The following PRKCA variants were observed in gnomAD, a reference collection of about 807,000 sequenced individuals.
PRKCA encodes protein kinase C alpha.
Under a neutral mutation model 87.0 loss-of-function variants are expected in PRKCA, and 27 were observed. The observed-to-expected ratio is 0.31, with a 90% CI of 0.23 to 0.43. The LOEUF (loss-of-function observed/expected upper bound fraction) is 0.43, where lower values mean the gene tolerates loss of function less well. Among genes scored for constraint, PRKCA ranks in the 20% least tolerant of loss-of-function variants. The pLI is 1.00. For synonymous variants in PRKCA, 329 were observed against 311.1 expected (o/e 1.06, Z -0.61); for missense variants, 518 against 852.3 (o/e 0.61, Z 4.88).
At chr17:66,378,625 C>T (rs1189261065) in intron 2 of PRKCA, among the ~76,000 whole-genome samples, 2 of 151,892 alleles carry the variant, frequency 1.3e-5, no homozygotes, top group Non-Finnish European at 2.9e-5. Context: ...GCAGGCTGGG[C>T]GTAAAGTCTC....
chr17:66,463,419 G>A (rs898865589), intron 2 of PRKCA, among the ~76,000 whole-genome samples: 4 of 150,672 alleles, frequency 2.7e-5, no homozygotes, highest in Non-Finnish European at 5.9e-5. Context: ...TTTTTGAGAC[G>A]AAGTTTTGCT....
intron 5 of PRKCA, among the ~76,000 whole-genome samples, chr17:66,655,712 A>AT (rs1363076501): frequency 6.6e-6 from 1 of 152,138 alleles, no homozygotes; most frequent in Non-Finnish European, 1.5e-5. Flanking sequence ...TGAGCCGATG[A>AT]TGATGATGAT....
intron 13 of PRKCA, among the ~76,000 whole-genome samples, chr17:66,760,391 G>A (rs1357838982): frequency 2.6e-5 from 4 of 152,096 alleles, no homozygotes; most frequent in Non-Finnish European, 2.9e-5. Flanking sequence ...AATGTTATAC[G>A]GTGCAATTAA....
chr17:66,439,355 A>AT (rs946137511), intron 2 of PRKCA, among the ~76,000 whole-genome samples: 10 of 151,422 alleles, frequency 6.6e-5, no homozygotes, highest in Admixed American at 3.3e-4. Flanking sequence ...TAATTTTTGT[A>AT]TTTTTTAGTA....
At chr17:66,713,863 A>T (rs887771838) in intron 8 of PRKCA, among the ~76,000 whole-genome samples, 31 of 152,032 alleles carry the variant, frequency 2.0e-4, no homozygotes, top group Admixed American at 5.9e-4. Context: ...TCTGTCCATG[A>T]ATTCCCAATG....
intron 2 of PRKCA, among the ~76,000 whole-genome samples, chr17:66,311,919 G>A (rs547372880): frequency 1.1e-4 from 16 of 152,152 alleles, no homozygotes; most frequent in Admixed American, 6.5e-4. Flanking sequence ...CTCATAGGTC[G>A]TGAAAGCCGA....
chr17:66,565,174 A>G (rs912515203), intron 3 of PRKCA, among the ~76,000 whole-genome samples: 2 of 152,168 alleles, frequency 1.3e-5, no homozygotes, highest in African/African-American at 2.4e-5. Context: ...AATTCCTCTC[A>G]TAGAGTGCTG....
At chr17:66,351,738 A>T (rs1010705515) in intron 2 of PRKCA, among the ~76,000 whole-genome samples, 2 of 152,194 alleles carry the variant, frequency 1.3e-5, no homozygotes, top group Non-Finnish European at 2.9e-5. Context: ...CGTAAACCAT[A>T]AAAGTAGAAT....
intron 2 of PRKCA, among the ~76,000 whole-genome samples, chr17:66,351,909 A>G (rs1352926162): frequency 1.3e-5 from 2 of 151,952 alleles, no homozygotes; most frequent in African/African-American, 2.4e-5. Flanking sequence ...TCCCAGTATC[A>G]GATTCGTTCT....
At chr17:66,503,660 C>G (rs1567862700) in intron 3 of PRKCA, among the ~76,000 whole-genome samples, 1 of 152,194 alleles carries the variant, frequency 6.6e-6, no homozygotes, top group East Asian at 1.9e-4. Context: ...AAATTGCTTT[C>G]TTTTCTTTAC....
At chr17:66,616,815 G>A (rs1032936344) in intron 3 of PRKCA, among the ~76,000 whole-genome samples, 2 of 152,040 alleles carry the variant, frequency 1.3e-5, no homozygotes, top group African/African-American at 4.8e-5. Flanking sequence ...AAGGTTAGGT[G>A]GTAAGGAGGC....
At chr17:66,386,383 A>C (rs1043294324) in intron 2 of PRKCA, among the ~76,000 whole-genome samples, 6 of 152,204 alleles carry the variant, frequency 3.9e-5, no homozygotes, top group Non-Finnish European at 8.8e-5. Flanking sequence ...TTTTAAAACA[A>C]AGCTGCAGTG....
At chr17:66,690,561 A>G (rs7220480) in intron 8 of PRKCA, among the ~76,000 whole-genome samples, 67,789 of 152,028 alleles carry the variant, frequency 0.45, 15,918 homozygotes, top group African/African-American at 0.61. Context: ...GGCCCTGTGC[A>G]GTGGCTCACT....
chr17:66,560,159 A>T (rs1170411310), intron 3 of PRKCA, among the ~76,000 whole-genome samples: 4 of 152,098 alleles, frequency 2.6e-5, no homozygotes, highest in Admixed American at 2.6e-4. Flanking sequence ...TGCTTGGCGG[A>T]GAGAGGCATA....
chr17:66,370,553 T>C (rs1403389596), intron 2 of PRKCA, among the ~76,000 whole-genome samples: 4 of 139,938 alleles, frequency 2.9e-5, no homozygotes, highest in Admixed American at 6.9e-5. Context: ...TCTTTTCTTT[T>C]TTTTTTTTTT....
At chr17:66,483,677 G>C (rs1915877365) in intron 2 of PRKCA, among the ~76,000 whole-genome samples, 1 of 151,948 alleles carries the variant, frequency 6.6e-6, no homozygotes, top group Admixed American at 6.6e-5. Context: ...TATCCAGGAT[G>C]TTCTCAATCT....
At chr17:66,353,267 T>C (rs1907859365) in intron 2 of PRKCA, among the ~76,000 whole-genome samples, 1 of 152,226 alleles carries the variant, frequency 6.6e-6, no homozygotes, top group Non-Finnish European at 1.5e-5. Flanking sequence ...TGATGACTCA[T>C]TTTGATCCTA....
At chr17:66,776,586 G>T (rs1975055380) in intron 14 of PRKCA, among the ~76,000 whole-genome samples, 1 of 152,164 alleles carries the variant, frequency 6.6e-6, no homozygotes, top group Non-Finnish European at 1.5e-5. Flanking sequence ...GGGATTACAG[G>T]CATGAGCCAC....
intron 2 of PRKCA, among the ~76,000 whole-genome samples, chr17:66,459,379 C>T (rs1425860445): frequency 6.6e-6 from 1 of 152,126 alleles, no homozygotes; most frequent in Non-Finnish European, 1.5e-5. Context: ...ACGATAACAA[C>T]AACAAAACAA....
Sources: allele counts gnomAD v4.1 joint callset (sites outside exome capture counted in the v4.1 genomes callset), GRCh38; gene constraint gnomAD v4.1.1; transcripts MANE v1.5; gene names NCBI Gene and HGNC (gene_info 2026-07-23, HGNC 2026-07-21).